The following SEC61A2 variants were observed in gnomAD, a reference collection of about 807,000 sequenced individuals.
The protein encoded by SEC61A2 is protein transport protein Sec61 subunit alpha isoform 2.
Under a neutral mutation model 59.9 loss-of-function variants are expected in SEC61A2, and 28 were observed. The ratio of observed to expected loss-of-function variants is 0.47; its 90% CI spans 0.35 to 0.64. The LOEUF is 0.64. Among genes scored for constraint, SEC61A2 ranks in the 30% least tolerant of loss-of-function variants. The probability of loss-of-function intolerance (pLI) is 0.01; values close to 1 mark genes in which losing one functional copy is unlikely to be tolerated. For synonymous variants in SEC61A2, 202 were observed against 214.4 expected (o/e 0.94, Z 0.50); for missense variants, 340 against 585.9 (o/e 0.58, Z 4.33).
At position 12,158,108 on chromosome 10, in the gene SEC61A2, G is replaced by A. The variant is rs1219664470; in HGVS notation, c.975+3G>A. On this transcript the variant is annotated splice_donor_region_variant and intron_variant, in intron 9 of 11. Coordinates refer to ENST00000298428, the MANE Select transcript of SEC61A2 (RefSeq NM_018144.4). This position sits in a 1 kb window ranked among gnomAD's most constrained non-coding sequence, Gnocchi z 5.7. ...TAAATTTACTAGGACAGTGGGCCGTGAGTATTATGTTTATTTACATTATTT... is the reference window on the plus strand; with the variant it reads ...TAAATTTACTAGGACAGTGGGCCGTAAGTATTATGTTTATTTACATTATTT... 4 of 1,601,410 alleles carry A rather than the reference G, an allele frequency of 2.5e-6. No individual in the cohort carries two copies. Among genetic ancestry groups the A allele is most frequent in the Non-Finnish European group, 2.6e-6 (3 of 1,168,524 alleles).
In SEC61A2 at chr10:12,149,904, G is replaced by T. The variant is rs1834236448; in HGVS notation, c.405G>T (p.Gly135=). 6.2e-7 allele frequency: 1 copy of T among 1,613,982 alleles called. No homozygotes were observed. The highest frequency in any genetic ancestry group is 8.5e-7 in the Non-Finnish European group (1 of 1,179,990). Residue 135 remains glycine, a synonymous_variant, in exon 6 of 12, where the codon GGG becomes GGT. Transcript: ENST00000298428. This position sits in a 1 kb window ranked among gnomAD's most constrained non-coding sequence, Gnocchi z 5.2. ...AAGCCATTGTGTATGTCATGACGGG[G>T]ATGTATGGGGACCCTGCAGAAATGG... The part of the protein sequence containing the change: ...IGQAIVYVMT[G]MYGDPAEMGA...
chr10:12,164,502 C>G lies in SEC61A2; in HGVS notation c.*48C>G. 3 of 1,579,028 alleles carry G rather than the reference C, an allele frequency of 1.9e-6. No individual in the cohort carries two copies. Among genetic ancestry groups the G allele is most frequent in the Non-Finnish European group, 2.6e-6 (3 of 1,162,000 alleles). ...GCGTGTGAAAGGGAAAACACTTTGA[C>G]GGATCGTTTTTGTCAGATGACACTG... On this transcript the variant is annotated 3_prime_UTR_variant, in exon 12 of 12. Coordinates refer to ENST00000298428, the MANE Select transcript of SEC61A2 (RefSeq NM_018144.4). This position sits in a 1 kb window ranked among gnomAD's most constrained non-coding sequence, Gnocchi z 7.3.
chr10:12,167,339 T>C (rs1834726899), downstream of SEC61A2: 1 of 179,738 alleles, frequency 5.6e-6, no homozygotes, highest in Non-Finnish European at 1.2e-5. Context: ...ATATTGGGGG[T>C]TGAGAGTGGA....
Position 12,129,930 on chromosome 10 carries a change from C to T in SEC61A2, c.7+136C>T. On this transcript the variant is annotated intron_variant, in intron 1 of 11. Transcript: ENST00000298428. This position sits in a 1 kb window ranked among gnomAD's most constrained non-coding sequence, Gnocchi z 5.6. ...GGCCGCTCCGGGCCTCAGCGGAGGG[C>T]ACGGGCCGGGGGCCTCCGCCGAGGC... 3 of 818,466 alleles carry T rather than the reference C, an allele frequency of 3.7e-6. No homozygotes were observed. Among genetic ancestry groups the T allele is most frequent in the Non-Finnish European group, 5.0e-6 (3 of 597,020 alleles). The allele number at this position is 818,466 out of a possible 1,614,324, so 50.7% of individuals were successfully genotyped here. A position where few individuals can be genotyped will look rare whatever the true frequency, so the allele number is the denominator to read the frequency against.
chr10:12,168,438 A>G (rs952132267), downstream of SEC61A2, among the ~76,000 whole-genome samples: 1 of 152,226 alleles, frequency 6.6e-6, no homozygotes, highest in Non-Finnish European at 1.5e-5. This position sits in a 1 kb window ranked among gnomAD's most constrained non-coding sequence, Gnocchi z 4.8. Context: ...GGTGATGATT[A>G]TGTAGGATCT....
At chr10:12,169,272 T>C, downstream of SEC61A2, 3 of 1,552,110 alleles carry the variant, frequency 1.9e-6, no homozygotes, top group Non-Finnish European at 2.6e-6. This position sits in a 1 kb window ranked among gnomAD's most constrained non-coding sequence, Gnocchi z 4.8. Flanking sequence ...AAAGTGAAGT[T>C]AAGAAGGTGG....
chr10:12,148,856 C>G (rs1314470682), intron 4 of SEC61A2, among the ~76,000 whole-genome samples: 6 of 151,942 alleles, frequency 3.9e-5, no homozygotes, highest in Non-Finnish European at 8.8e-5. Context: ...AACACTAAAA[C>G]ATGTTTTTAT....
At chr10:12,147,631 G>A (rs1834171958) in intron 4 of SEC61A2, among the ~76,000 whole-genome samples, 1 of 150,708 alleles carries the variant, frequency 6.6e-6, no homozygotes, top group Admixed American at 6.6e-5. Flanking sequence ...GTTGCAGTGA[G>A]CCAAGATCGT....
In SEC61A2 at chr10:12,162,422, A is replaced by G; in HGVS notation, c.1244+133A>G. 1.2e-6 allele frequency: 1 copy of G among 865,868 alleles called. No individual in the cohort carries two copies. Among genetic ancestry groups the G allele is most frequent in the South Asian group, 1.3e-5 (1 of 75,722 alleles). 53.6% of individuals were successfully genotyped at this position (865,868 alleles called of 1,614,324 possible). On this transcript the variant is annotated intron_variant, in intron 11 of 11. Transcript: ENST00000298428. The surrounding 1 kb of genome is among the most constrained non-coding windows in gnomAD (Gnocchi z 6.1). ...TCACACAGATGAATCAAAATTTCAC[A>G]CAAAACTTGTTTTCCATGTCAAAAC...
chr10:12,148,829 A>T (rs1181541620), intron 4 of SEC61A2, among the ~76,000 whole-genome samples: 1 of 151,742 alleles, frequency 6.6e-6, no homozygotes, highest in Non-Finnish European at 1.5e-5. Flanking sequence ...TGGCCAATAA[A>T]TCTATCTAAT....
chr10:12,168,352 A>G (rs1834762247), downstream of SEC61A2, among the ~76,000 whole-genome samples: 1 of 152,130 alleles, frequency 6.6e-6, no homozygotes, highest in Admixed American at 6.5e-5. The surrounding 1 kb of genome is among the most constrained non-coding windows in gnomAD (Gnocchi z 4.8). Flanking sequence ...GAAAACAGCA[A>G]AGTTGGAAGT....
Position 12,161,357 on chromosome 10 carries a change from G to T in SEC61A2, c.1167+236G>T, listed in dbSNP as rs1573987. 0.42 allele frequency among the ~76,000 whole-genome samples: 63,713 copies of T among 152,046 alleles called. 13,383 individuals carry two copies. The highest frequency in any genetic ancestry group is 0.53 in the East Asian group (2,725 of 5,166). On this transcript the variant is annotated intron_variant, in intron 10 of 11. Transcript: ENST00000298428. The surrounding 1 kb of genome is among the most constrained non-coding windows in gnomAD (Gnocchi z 5.4). ...CTACTTGGGAAGTTGAGACGGAGCA[G>T]TAACGCTTGAGTCCGGGAGGTGGAG...
intron 2 of SEC61A2, among the ~76,000 whole-genome samples, chr10:12,134,039 CTCTG>C (rs1460955209): frequency 6.6e-6 from 1 of 152,198 alleles, no homozygotes; most frequent in Admixed American, 6.5e-5. Flanking sequence ...CGGAGTCTCG[CTCTG>C]TCCCCCAGGC....
At position 12,133,274 on chromosome 10, in the gene SEC61A2, C is replaced by A. The variant is rs762361490; in HGVS notation, c.41C>A (p.Ala14Glu). 2 of 1,558,124 alleles carry A rather than the reference C, an allele frequency of 1.3e-6. No individual in the cohort carries two copies. The highest frequency in any genetic ancestry group is 1.8e-6 in the Non-Finnish European group (2 of 1,132,606). ...TTAGAAGTTATCAAACCATTCTGTG[C>A]AGTTCTACCAGAAATTCAGAAACCG... ...KFLEVIKPFCAVLPEIQKPER... is the reference protein window; with the variant it reads ...KFLEVIKPFCEVLPEIQKPER... Residue 14 changes from alanine (A) to glutamate (E), a missense_variant, in exon 2 of 12, where the codon GCA becomes GAA. This residue lies in a region of SEC61A2 where 41 missense variants were observed against 47.6 expected (regional missense o/e 0.86). Coordinates refer to ENST00000298428, the MANE Select transcript of SEC61A2 (RefSeq NM_018144.4).
intron 1 of SEC61A2, among the ~76,000 whole-genome samples, chr10:12,132,262 C>G (rs907985532): frequency 9.9e-5 from 15 of 150,850 alleles, no homozygotes; most frequent in African/African-American, 3.7e-4. Context: ...GATGGCGGCA[C>G]TGCACTCCAG....
chr10:12,135,776 G>C (rs775548002), intron 2 of SEC61A2, among the ~76,000 whole-genome samples: 14 of 152,064 alleles, frequency 9.2e-5, no homozygotes, highest in Non-Finnish European at 1.6e-4. Context: ...TTCCATCCAG[G>C]TTGCTGCAAG....
At chr10:12,146,783 G>A (rs1326864920) in intron 4 of SEC61A2, among the ~76,000 whole-genome samples, 5 of 152,178 alleles carry the variant, frequency 3.3e-5, no homozygotes, top group African/African-American at 1.2e-4. Context: ...CTCCCAAAGT[G>A]CTGGGATTAC....
chr10:12,135,083 G>A (rs1030600091), intron 2 of SEC61A2, among the ~76,000 whole-genome samples: 1 of 144,530 alleles, frequency 6.9e-6, no homozygotes, highest in African/African-American at 2.5e-5. Context: ...GTTCTCACTC[G>A]TAAATGGGAG....
In SEC61A2 at chr10:12,161,335, C is replaced by T. The variant is rs1364114328; in HGVS notation, c.1167+214C>T. On this transcript the variant is annotated intron_variant, in intron 10 of 11. Coordinates refer to ENST00000298428, the MANE Select transcript of SEC61A2 (RefSeq NM_018144.4). This position sits in a 1 kb window ranked among gnomAD's most constrained non-coding sequence, Gnocchi z 5.4. The stretch of plus-strand genomic sequence containing the variant: ...TGGTGCAAGCCCGTGGTCCCAGCTA[C>T]TTGGGAAGTTGAGACGGAGCAGTAA... Among the ~76,000 whole-genome samples, 2 of 152,178 alleles carry T rather than the reference C, an allele frequency of 1.3e-5. No individual in the cohort carries two copies. The highest frequency in any genetic ancestry group is 2.9e-5 in the Non-Finnish European group (2 of 68,044).
Sources: gnomAD v4.1 joint callset for allele counts (sites outside exome capture counted in the v4.1 genomes callset) on GRCh38, gnomAD v4.1.1 for gene constraint, gnomAD v4.1.1 regional missense constraint, Gnocchi (gnomAD v3.1) non-coding constraint, MANE v1.5 for transcripts, NCBI Gene and HGNC (gene_info 2026-07-23, HGNC 2026-07-21) for gene names.